PPL: variants seen among roughly 807,000 people sequenced by gnomAD.
PPL encodes the protein periplakin, also known as 190 kDa paraneoplastic pemphigus antigen.
A neutral mutation model predicts 194.4 loss-of-function variants in PPL; 198 were observed. That is an observed-to-expected ratio of 1.02 (90% CI 0.91 to 1.15). PPL has a LOEUF of 1.15. Among genes scored for constraint, PPL ranks in the 50% most tolerant of loss-of-function variants. The probability of loss-of-function intolerance (pLI) is 0.00; values close to 1 mark genes in which losing one functional copy is unlikely to be tolerated. For synonymous variants in PPL, 1,220 were observed against 972.4 expected (o/e 1.25, Z -4.74); for missense variants, 2,885 against 2,294.8 (o/e 1.26, Z -5.25).
intron 9 of PPL, 45 bp from the exon 10 acceptor site, chr16:4,895,761 G>A (rs937136676): frequency 2.2e-5 from 35 of 1,612,518 alleles, no homozygotes; most frequent in African/African-American, 2.7e-5. Flanking sequence ...ACCACTAGAA[G>A]CACCTGGGCT....
chr16:4,920,438 G>C lies in PPL; in HGVS notation c.63-9489C>G, dbSNP rs371239439. On this transcript the variant is annotated intron_variant, in intron 1 of 21. Coordinates refer to ENST00000345988, the MANE Select transcript of PPL (RefSeq NM_002705.5). ...GACTGAACTGGAGGTTCAGAGCAGC[G>C]TCCCTGAAACAGACTTGAGATCATT... 1.6e-4 allele frequency among the ~76,000 whole-genome samples: 25 copies of C among 151,872 alleles called. No individual in the cohort carries two copies. In the East Asian group the frequency reaches 4.5e-3, roughly 27 times the overall value.
Position 4,902,481 on chromosome 16 carries a change from G to C in PPL, c.363C>G (p.His121Gln). The change falls in exon 4 of 22, where the codon CAC (histidine) becomes CAG (glutamine). Residue 121 changes from histidine to glutamine, a missense_variant. Coordinates refer to ENST00000345988, the MANE Select transcript of PPL (RefSeq NM_002705.5). The surrounding 1 kb of genome is among the most constrained non-coding windows in gnomAD (Gnocchi z 4.0). ...KERVTNLRGKHKQIYRLAVKE... is the reference protein window; with the variant it reads ...KERVTNLRGKQKQIYRLAVKE... ...TCACCGCCAGCCTGTAGATCTGCTT[G>C]TGTTTCCCGCGCAGGTTGGTCACAC... The C allele has an allele frequency of 1.2e-6, 2 of 1,614,014 alleles. No individual in the cohort carries two copies. The highest frequency in any genetic ancestry group is 1.7e-6 in the Non-Finnish European group (2 of 1,179,940).
intron 1 of PPL, among the ~76,000 whole-genome samples, chr16:4,922,500 A>G (rs1343734340): frequency 6.6e-6 from 1 of 152,158 alleles, no homozygotes; most frequent in Non-Finnish European, 1.5e-5. Context: ...TGTCTCTACT[A>G]AAAATACAAA....
At chr16:4,890,100 G>T in intron 18 of PPL, 84 bp downstream of exon 18, 1 of 1,600,620 alleles carries the variant, frequency 6.2e-7, no homozygotes, top group South Asian at 1.1e-5. Flanking sequence ...CCTCCCAAAG[G>T]CTTGGCTCCC....
intron 1 of PPL, among the ~76,000 whole-genome samples, chr16:4,932,804 G>C (rs559112200): frequency 6.6e-6 from 1 of 152,170 alleles, no homozygotes; most frequent in East Asian, 1.9e-4. Flanking sequence ...GTCATGGGCT[G>C]GACCCATCAT....
At chr16:4,914,094 G>A (rs879704519) in intron 1 of PPL, among the ~76,000 whole-genome samples, 20 of 152,206 alleles carry the variant, frequency 1.3e-4, no homozygotes, top group Non-Finnish European at 2.2e-4. Flanking sequence ...GCAAAAGGAA[G>A]AATTTGGTGT....
At chr16:4,928,260 AT>A (rs2089184510) in intron 1 of PPL, among the ~76,000 whole-genome samples, 1 of 152,208 alleles carries the variant, frequency 6.6e-6, no homozygotes, top group African/African-American at 2.4e-5. Context: ...TATATTTTGT[AT>A]TTTTAGTAGG....
At chr16:4,926,463 T>C (rs1167969907) in intron 1 of PPL, among the ~76,000 whole-genome samples, 1 of 152,180 alleles carries the variant, frequency 6.6e-6, no homozygotes, top group African/African-American at 2.4e-5. Context: ...CCCAAGCTTA[T>C]GTAAGGCCTG....
At chr16:4,900,264 A>C (rs1203139419) in intron 6 of PPL, among the ~76,000 whole-genome samples, 1 of 152,086 alleles carries the variant, frequency 6.6e-6, no homozygotes, top group Non-Finnish European at 1.5e-5. Flanking sequence ...GTGGCATCAT[A>C]CTTGGCACAC....
chr16:4,902,265 G>T lies in PPL; in HGVS notation c.438+141C>A. ...TCTCTGAGCCTCACTCTTCTCATGG[G>T]CACACTGGAAAACCATCAGGACCAC... On this transcript the variant is annotated intron_variant, in intron 4 of 21. Transcript: ENST00000345988. The surrounding 1 kb of genome is among the most constrained non-coding windows in gnomAD (Gnocchi z 4.0). The T allele has an allele frequency of 1.5e-6, 2 of 1,332,054 alleles. No homozygotes were observed. Among genetic ancestry groups the T allele is most frequent in the Non-Finnish European group, 2.0e-6 (2 of 979,898 alleles). The allele number at this position is 1,332,054 out of a possible 1,614,324, so 82.5% of individuals were successfully genotyped here. A position where few individuals can be genotyped will look rare whatever the true frequency, so the allele number is the denominator to read the frequency against.
chr16:4,893,407 C>A, intron 13 of PPL, 37 bp from the exon 14 acceptor site: 1 of 1,598,914 alleles, frequency 6.3e-7, no homozygotes. Flanking sequence ...GGTGTGACAA[C>A]GGGCCAGGGG....
chr16:4,934,752 C>A lies in PPL; in HGVS notation c.62+2232G>T, dbSNP rs573584077. On this transcript the variant is annotated intron_variant, in intron 1 of 21. Transcript: ENST00000345988. ...CGCAAGTCTGTCCCCTCCACCCCCC[C>A]ACCAAGACACTTGCTATGGGGCTGG... Among the ~76,000 whole-genome samples, 167 of 152,316 alleles carry A rather than the reference C, an allele frequency of 1.1e-3. 1 individual carries two copies. Among genetic ancestry groups the A allele is most frequent in the African/African-American group, 3.8e-3 (156 of 41,558 alleles).
chr16:4,903,048 C>G (rs1207611573), intron 3 of PPL, among the ~76,000 whole-genome samples: 1 of 152,156 alleles, frequency 6.6e-6, no homozygotes, highest in Non-Finnish European at 1.5e-5. Flanking sequence ...TACTATGTGC[C>G]AGAATGATAG....
At chr16:4,923,473 C>G (rs531662865) in intron 1 of PPL, among the ~76,000 whole-genome samples, 1 of 152,172 alleles carries the variant, frequency 6.6e-6, no homozygotes, top group Non-Finnish European at 1.5e-5. Context: ...CCATGAATGG[C>G]AACCTTCCAG....
Position 4,885,534 on chromosome 16 carries a change from G to C in PPL, c.3121C>G (p.Leu1041Val), listed in dbSNP as rs1390586157. The change falls in exon 22 of 22, where the codon CTG (leucine) becomes GTG (valine). Residue 1041 changes from leucine to valine, a missense_variant. Coordinates refer to ENST00000345988, the MANE Select transcript of PPL (RefSeq NM_002705.5). The surrounding 1 kb of genome is among the most constrained non-coding windows in gnomAD (Gnocchi z 6.3). ...TGCGCCCGGCTCTTCTCTTCAGCCA[G>C]GGCGGCCACACGCTGCTGCAGGAGG... is the stretch of plus-strand genomic sequence containing the variant. ...VLLLQQRVAALAEEKSRAQEK... is the reference protein window; with the variant it reads ...VLLLQQRVAAVAEEKSRAQEK... The C allele has an allele frequency of 6.2e-7, 1 of 1,610,804 alleles. No homozygotes were observed. Among genetic ancestry groups the C allele is most frequent in the South Asian group, 1.1e-5 (1 of 91,074 alleles).
intron 1 of PPL, among the ~76,000 whole-genome samples, chr16:4,927,757 A>C (rs2089177657): frequency 6.6e-6 from 1 of 152,244 alleles, no homozygotes; most frequent in Non-Finnish European, 1.5e-5. Flanking sequence ...TTTAAGGCCT[A>C]ATCTGTTTCT....
rs536190273 is a variant in PPL, at chr16:4,884,507, T to C, written c.4148A>G (p.Asp1383Gly). 1.2e-6 allele frequency: 2 copies of C among 1,609,292 alleles called. No homozygotes were observed. The highest frequency in any genetic ancestry group is 1.3e-5 in the African/African-American group (1 of 74,826). ...CCGCCGCAGCTCTGCCCGCAGCTTG[T>C]CAATCTGCCGCAGCTCCACATCGAT... ...ESIDVELRQIDKLRAELRRLQ... is the reference protein window; with the variant it reads ...ESIDVELRQIGKLRAELRRLQ... Residue 1383 changes from aspartate (D) to glycine (G), a missense_variant, in exon 22 of 22, where the codon GAC (aspartate) becomes GGC (glycine). Asp to Gly is a moderately conservative substitution (Grantham distance 94, BLOSUM62 -1). Transcript: ENST00000345988. The surrounding 1 kb of genome is among the most constrained non-coding windows in gnomAD (Gnocchi z 5.7).
chr16:4,914,053 C>T (rs887335424), intron 1 of PPL, among the ~76,000 whole-genome samples: 3 of 152,214 alleles, frequency 2.0e-5, no homozygotes, highest in Admixed American at 1.3e-4. Context: ...TGAAGGCTTC[C>T]TGGAGGAGGT....
intron 1 of PPL, among the ~76,000 whole-genome samples, chr16:4,927,801 G>T (rs1252988377): frequency 6.6e-6 from 1 of 152,228 alleles, no homozygotes. Flanking sequence ...CCAGGCCTCT[G>T]ATGGGGCCTA....
Sources: allele counts gnomAD v4.1 joint callset (sites outside exome capture counted in the v4.1 genomes callset), GRCh38; gene constraint gnomAD v4.1.1; non-coding constraint Gnocchi (gnomAD v3.1); transcripts MANE v1.5; gene names NCBI Gene and HGNC (gene_info 2026-07-23, HGNC 2026-07-21).